The following ARID4A variants were observed in gnomAD, a reference collection of about 807,000 sequenced individuals.
The protein encoded by ARID4A is AT-rich interactive domain-containing protein 4A.
Under a neutral mutation model 148.6 loss-of-function variants are expected in ARID4A, and 39 were observed. That is an observed-to-expected ratio of 0.26 (90% confidence interval 0.20 to 0.34). The LOEUF is 0.34. Ranked by LOEUF, ARID4A falls within the 10% of genes least tolerant of loss-of-function variation. The pLI is 1.00. For synonymous variants in ARID4A, 475 were observed against 481.2 expected, an observed-to-expected ratio of 0.99 and a Z score of 0.17; for missense variants, 1,265 against 1,449.1, an observed-to-expected ratio of 0.87 and a Z score of 2.06.
intron 8 of ARID4A, among the ~76,000 whole-genome samples, chr14:58,326,438 G>C (rs1383189989): frequency 6.6e-6 from 1 of 151,716 alleles, no homozygotes. Context: ...CTCTGTCTCA[G>C]AAAAAAAAGT....
intron 1 of ARID4A, 113 bp from the exon 2 acceptor site, chr14:58,299,685 T>C: frequency 1.1e-6 from 1 of 880,642 alleles, no homozygotes; most frequent in Non-Finnish European, 1.8e-6. Context: ...GTCTTGTCCC[T>C]TGGCTGGTGA....
At chr14:58,345,594 T>G (rs1050575080) in intron 12 of ARID4A, among the ~76,000 whole-genome samples, 2 of 152,166 alleles carry the variant, frequency 1.3e-5, no homozygotes, top group African/African-American at 4.8e-5. Flanking sequence ...TCCTAAACAT[T>G]CTGTGTGGCC....
At chr14:58,351,916 G>A (rs998345730) in intron 16 of ARID4A, among the ~76,000 whole-genome samples, 1 of 152,098 alleles carries the variant, frequency 6.6e-6, no homozygotes, top group African/African-American at 2.4e-5. Flanking sequence ...TATTAGACAA[G>A]TATGGACTGA....
intron 5 of ARID4A, among the ~76,000 whole-genome samples, chr14:58,311,884 TAGAG>T (rs981010002): frequency 2.4e-5 from 3 of 126,412 alleles, no homozygotes; most frequent in African/African-American, 9.5e-5. Context: ...AAACTCTTAT[TAGAG>T]AGTAGAGTGT....
Position 58,360,788 on chromosome 14 carries a change from G to A in ARID4A, c.1939-113G>A, listed in dbSNP as rs936176995. On this transcript the variant is annotated intron_variant, in intron 18 of 23. Transcript: ENST00000355431. ...TTCTTCTGTAAGCACAGACTAGGAA[G>A]TGACATATAAAATATCAAACCTTTT... 1.3e-5 allele frequency: 14 copies of A among 1,083,032 alleles called. No homozygotes were observed. In the African/African-American group the frequency reaches 2.1e-4, roughly 16 times the overall value. The allele number at this position is 1,083,032 out of a possible 1,614,324, so 67.1% of individuals were successfully genotyped here.
intron 5 of ARID4A, among the ~76,000 whole-genome samples, chr14:58,311,826 A>G (rs2140147554): frequency 6.6e-6 from 1 of 151,804 alleles, no homozygotes; most frequent in South Asian, 2.1e-4. Flanking sequence ...CAAGTGAAAT[A>G]AGCCAGGCAC....
rs554260429 is a variant in ARID4A at position 58,359,317 on chromosome 14, A to C, written c.1938+101A>C. 20 of 1,150,020 alleles carry C rather than the reference A, an allele frequency of 1.7e-5. No homozygotes were observed. In the African/African-American group the frequency reaches 2.7e-4, roughly 15 times the overall value. The allele number at this position is 1,150,020 out of a possible 1,614,324, so 71.2% of individuals were successfully genotyped here. The stretch of plus-strand genomic sequence containing the variant: ...TAAGAACAGTTTTAGGTTTATACCA[A>C]GATTGAGAGCAAGGTATATAGACCT... On this transcript the variant is annotated intron_variant, in intron 18 of 23. Coordinates refer to ENST00000355431, the MANE Select transcript of ARID4A (RefSeq NM_002892.4).
intron 5 of ARID4A, among the ~76,000 whole-genome samples, chr14:58,306,334 T>C (rs2031595975): frequency 6.6e-6 from 1 of 152,222 alleles, no homozygotes; most frequent in South Asian, 2.1e-4. Context: ...AAAAATGTAC[T>C]TCTATTTTAG....
At chr14:58,316,458 G>A (rs1357656385) in intron 5 of ARID4A, among the ~76,000 whole-genome samples, 1 of 152,106 alleles carries the variant, frequency 6.6e-6, no homozygotes, top group Non-Finnish European at 1.5e-5. Flanking sequence ...AGTCTCAAAA[G>A]TTAAACCTAT....
chr14:58,313,662 C>T (rs1356934845), intron 5 of ARID4A, among the ~76,000 whole-genome samples: 1 of 152,156 alleles, frequency 6.6e-6, no homozygotes, highest in East Asian at 1.9e-4. Flanking sequence ...AATAGCTAGG[C>T]TCTATCCAAG....
rs1200945343 is a variant in ARID4A, at chr14:58,372,027, T to C, written c.*38T>C. On this transcript the variant is annotated 3_prime_UTR_variant, in exon 24 of 24. Transcript: ENST00000355431. Reference sequence around the variant, plus strand: ...CTACCTTCCCAGCAGTTTGCTGCCATGGACATAAATCCCCAAACCCTGAAT... The same window carrying C: ...CTACCTTCCCAGCAGTTTGCTGCCACGGACATAAATCCCCAAACCCTGAAT... The C allele has an allele frequency of 1.4e-6, 2 of 1,426,508 alleles. No individual in the cohort carries two copies. Among genetic ancestry groups the C allele is most frequent in the African/African-American group, 2.8e-5 (2 of 71,832 alleles). The allele number at this position is 1,426,508 out of a possible 1,614,324, so 88.4% of individuals were successfully genotyped here.
chr14:58,299,983 G>C (rs1429851177), intron 2 of ARID4A, 123 bp downstream of exon 2: 7 of 1,381,394 alleles, frequency 5.1e-6, no homozygotes, highest in African/African-American at 1.4e-5. Context: ...CAGCAGTTTC[G>C]GCATAGGAGG....
chr14:58,356,942 G>A (rs1343298525), intron 17 of ARID4A, among the ~76,000 whole-genome samples: 1 of 151,930 alleles, frequency 6.6e-6, no homozygotes, highest in Non-Finnish European at 1.5e-5. Flanking sequence ...CCTTGTGATC[G>A]CCCGCCTCGG....
chr14:58,350,770 A>G (rs2034602369), intron 15 of ARID4A, among the ~76,000 whole-genome samples: 1 of 152,224 alleles, frequency 6.6e-6, no homozygotes, highest in African/African-American at 2.4e-5. Flanking sequence ...AAAATGATGT[A>G]GTAAACAAAG....
intron 1 of ARID4A, chr14:58,299,269 C>T (rs2030895918): frequency 6.6e-6 from 1 of 152,440 alleles, no homozygotes; most frequent in African/African-American, 2.4e-5. Context: ...GGCCCCTGCC[C>T]CTTTGGGTGA....
At chr14:58,309,090 T>C (rs563679004) in intron 5 of ARID4A, among the ~76,000 whole-genome samples, 3 of 152,322 alleles carry the variant, frequency 2.0e-5, no homozygotes, top group Non-Finnish European at 2.9e-5. Context: ...TCTGGTAATA[T>C]CTTACCCTCT....
chr14:58,317,511 T>C (rs533644432), intron 5 of ARID4A, among the ~76,000 whole-genome samples: 47 of 151,396 alleles, frequency 3.1e-4, no homozygotes, highest in South Asian at 2.3e-3. Context: ...TGGTCTCGAT[T>C]TCCTGACCTG....
Position 58,364,813 on chromosome 14 carries a change from T to C in ARID4A, c.2724T>C (p.Asn908=), listed in dbSNP as rs201452620. 1 of 1,613,900 alleles carries C rather than the reference T, an allele frequency of 6.2e-7. No individual in the cohort carries two copies. The highest frequency in any genetic ancestry group is 2.2e-5 in the East Asian group (1 of 44,872). Residue 908 remains asparagine, a synonymous_variant, in exon 20 of 24, where the codon AAT becomes AAC. Transcript: ENST00000355431. ...TTGAACAGCACTTTGAAAGAGAAAATGAAGGAATGCCATCATTGATAGCAG... is the reference window on the plus strand; with the variant it reads ...TTGAACAGCACTTTGAAAGAGAAAACGAAGGAATGCCATCATTGATAGCAG... The part of the protein sequence containing the change: ...LNFEQHFERE[N]EGMPSLIAES...
intron 8 of ARID4A, among the ~76,000 whole-genome samples, chr14:58,324,050 G>T (rs1395121280): frequency 6.6e-6 from 1 of 151,578 alleles, no homozygotes; most frequent in Non-Finnish European, 1.5e-5. Flanking sequence ...GACAACAGGC[G>T]CCTGCCACCA....
Sources: allele counts gnomAD v4.1 joint callset (sites outside exome capture counted in the v4.1 genomes callset), GRCh38; gene constraint gnomAD v4.1.1; transcripts MANE v1.5; gene names NCBI Gene and HGNC (gene_info 2026-07-23, HGNC 2026-07-21).